Variants in DPP6 observed in about 807,000 individuals in gnomAD.
DPP6 encodes A-type potassium channel modulatory protein DPP6.
In DPP6, 69 loss-of-function variants were observed where a neutral mutation model predicts 122.6. The observed-to-expected ratio is 0.56, with a 90% CI of 0.46 to 0.69. The LOEUF (loss-of-function observed/expected upper bound fraction) is 0.69, where lower values mean the gene tolerates loss of function less well. Ranked by LOEUF, DPP6 falls within the 30% of genes least tolerant of loss-of-function variation. DPP6 has a pLI of 0.00. For missense variants in DPP6, 928 were observed against 1,116.9 expected, an observed-to-expected ratio of 0.83 and a Z score of 2.41; for synonymous variants, 418 against 433.1, an observed-to-expected ratio of 0.97 and a Z score of 0.43.
chr7:154,031,578 G>A (rs1434213620), intron 1 of DPP6, among the ~76,000 whole-genome samples: 2 of 151,742 alleles, frequency 1.3e-5, no homozygotes, highest in Non-Finnish European at 2.9e-5. Flanking sequence ...CAAAGTCATA[G>A]TAGGTTTTAG....
rs1055321481 is a variant in DPP6, at chr7:154,855,412, C to T, written c.1714+1585C>T. 4.6e-5 allele frequency among the ~76,000 whole-genome samples: 7 copies of T among 152,202 alleles called. No homozygotes were observed. In the East Asian group the frequency reaches 5.8e-4, roughly 13 times the overall value. On this transcript the variant is annotated intron_variant, in intron 17 of 25. Transcript: ENST00000377770. ...GGAGGGACCCCGTGCTGAGAAGAAG[C>T]GGGATGGCCTTCCTGTGCTCCTCCC...
intron 1 of DPP6, among the ~76,000 whole-genome samples, chr7:154,247,821 C>T (rs969956103): frequency 6.6e-6 from 1 of 152,144 alleles, no homozygotes; most frequent in Non-Finnish European, 1.5e-5. Flanking sequence ...AGCAGCCCTA[C>T]TCATAATACC....
At chr7:154,113,412 T>TACACACAC in intron 1 of DPP6, among the ~76,000 whole-genome samples, 1 of 141,896 alleles carries the variant, frequency 7.0e-6, no homozygotes, top group South Asian at 2.3e-4. Context: ...TATATATATA[T>TACACACAC]ACACACACAC....
chr7:153,951,570 C>T (rs1802214485), intron 1 of DPP6, among the ~76,000 whole-genome samples: 1 of 152,238 alleles, frequency 6.6e-6, no homozygotes, highest in Admixed American at 6.5e-5. Flanking sequence ...TCGCCACTGA[C>T]ATGCTGCAGC....
chr7:154,658,147 A>C (rs1485769541), intron 6 of DPP6, among the ~76,000 whole-genome samples: 1 of 152,230 alleles, frequency 6.6e-6, no homozygotes, highest in Non-Finnish European at 1.5e-5. Context: ...CAGAACACAC[A>C]GGCAAAGGGT....
intron 1 of DPP6, among the ~76,000 whole-genome samples, chr7:153,944,123 A>G (rs1801825159): frequency 1.3e-5 from 2 of 152,328 alleles, no homozygotes; most frequent in South Asian, 4.1e-4. Flanking sequence ...GGAAGATTGC[A>G]TCGTAAAGCC....
rs79239695 is a variant in DPP6 at position 154,865,004 on chromosome 7, G to A, written c.1715-2991G>A. Among the ~76,000 whole-genome samples the A allele has an allele frequency of 7.2e-3, 1,099 of 152,298 alleles. 15 individuals are homozygous for A. Among genetic ancestry groups the A allele is most frequent in the African/African-American group, 0.024 (1,018 of 41,570 alleles). On this transcript the variant is annotated intron_variant, in intron 17 of 25. Transcript: ENST00000377770. Reference sequence around the variant, plus strand: ...CAGCATTTGAGATCGCACACTGACGGCTGAAACATCAAATTCACATGCATA... The same window carrying A: ...CAGCATTTGAGATCGCACACTGACGACTGAAACATCAAATTCACATGCATA...
intron 1 of DPP6, among the ~76,000 whole-genome samples, chr7:154,314,815 T>C (rs560533448): frequency 8.5e-5 from 13 of 152,164 alleles, no homozygotes; most frequent in Non-Finnish European, 1.3e-4. Flanking sequence ...GCCAAGAAGA[T>C]TAACACGAAA....
intron 1 of DPP6, among the ~76,000 whole-genome samples, chr7:154,150,868 T>C (rs1199061232): frequency 1.3e-5 from 2 of 152,202 alleles, no homozygotes; most frequent in Non-Finnish European, 2.9e-5. Context: ...ATTCACTCAC[T>C]TGGGCCTCTT....
At chr7:154,225,212 A>G (rs375060966) in intron 1 of DPP6, among the ~76,000 whole-genome samples, 2 of 152,168 alleles carry the variant, frequency 1.3e-5, no homozygotes, top group Non-Finnish European at 2.9e-5. Context: ...CATATCATAC[A>G]CAAGAAATTA....
intron 1 of DPP6, among the ~76,000 whole-genome samples, chr7:154,257,919 G>C (rs1437799310): frequency 6.6e-6 from 1 of 152,186 alleles, no homozygotes; most frequent in Non-Finnish European, 1.5e-5. Context: ...GCATCAGCCA[G>C]ATCCATTTGT....
chr7:153,982,409 C>G (rs1585127970), intron 1 of DPP6, among the ~76,000 whole-genome samples: 1 of 151,860 alleles, frequency 6.6e-6, no homozygotes, highest in Admixed American at 6.6e-5. Flanking sequence ...CATTTATGTT[C>G]TTCTCTAAAC....
intron 8 of DPP6, among the ~76,000 whole-genome samples, chr7:154,763,824 G>A (rs1388823964): frequency 2.6e-5 from 4 of 152,132 alleles, no homozygotes; most frequent in Admixed American, 6.5e-5. Flanking sequence ...TGGCAGGTGC[G>A]GCAGGAGGGT....
At chr7:153,806,372 A>C in the DPP6 span, among the ~76,000 whole-genome samples, 1 of 151,838 alleles carries the variant, frequency 6.6e-6, no homozygotes, top group Non-Finnish European at 1.5e-5. Context: ...ATTAATGTAT[A>C]AATCATACAT....
intron 10 of DPP6, among the ~76,000 whole-genome samples, chr7:154,775,834 G>A (rs908576617): frequency 5.9e-5 from 9 of 152,012 alleles, no homozygotes; most frequent in African/African-American, 9.7e-5. Flanking sequence ...GGCCGAACCC[G>A]GTCAAAGCCA....
At chr7:154,128,777 G>T (rs1189270755) in intron 1 of DPP6, among the ~76,000 whole-genome samples, 1 of 150,214 alleles carries the variant, frequency 6.7e-6, no homozygotes. Context: ...CTGGGACACT[G>T]CTCCAAAGGC....
chr7:154,770,854 G>T (rs1796209672), intron 9 of DPP6, among the ~76,000 whole-genome samples: 2 of 152,226 alleles, frequency 1.3e-5, no homozygotes, highest in South Asian at 4.1e-4. Flanking sequence ...CACTCAGCTG[G>T]AGAGAAGCCA....
intron 3 of DPP6, among the ~76,000 whole-genome samples, chr7:154,484,445 G>A (rs563889218): frequency 1.3e-5 from 2 of 152,252 alleles, no homozygotes; most frequent in East Asian, 1.9e-4. Flanking sequence ...TGAGCAAATC[G>A]AAGCCTCCTG....
rs35662023 is a variant in DPP6 at position 154,608,320 on chromosome 7, C to CATATATATATATATATATAT, written c.628-29498_628-29479dup. On this transcript the variant is annotated intron_variant, in intron 5 of 25. Coordinates refer to ENST00000377770, the MANE Select transcript of DPP6 (RefSeq NM_130797.4). ...CATGCTTGCATTTTTTAGGAGTGAT[C>CATATATATATATATATATAT]ATATATATATATATATATATATTTT... Among the ~76,000 whole-genome samples, 336 of 89,924 alleles carry CATATATATATATATATATAT rather than the reference C, an allele frequency of 3.7e-3. 8 individuals are homozygous for CATATATATATATATATATAT. Among genetic ancestry groups the CATATATATATATATATATAT allele is most frequent in the Middle Eastern group, 6.8e-3 (1 of 146 alleles). 59.0% of individuals were successfully genotyped at this position (89,924 alleles called of 152,430 possible).
Sources: gnomAD v4.1 joint callset for allele counts (sites outside exome capture counted in the v4.1 genomes callset) on GRCh38, gnomAD v4.1.1 for gene constraint, MANE v1.5 for transcripts, NCBI Gene and HGNC (gene_info 2026-07-23, HGNC 2026-07-21) for gene names.